The following SH3TC1 variants were observed in gnomAD, a reference collection of about 807,000 sequenced individuals.
SH3TC1 encodes the protein SH3 domain and tetratricopeptide repeat-containing protein 1.
SH3TC1 carries 135 observed loss-of-function variants against 117.3 expected under a neutral mutation model. That is an observed-to-expected ratio of 1.15 (90% CI 1.00 to 1.33). The LOEUF is 1.33. Ranked by LOEUF, SH3TC1 falls within the 40% of genes most tolerant of loss-of-function variation. The pLI is 0.00. For synonymous variants in SH3TC1, 898 were observed against 816.9 expected (o/e 1.10, Z -1.69); for missense variants, 2,092 against 1,794.3 (o/e 1.17, Z -3.00).
At chr4:8,222,566 G>T (rs1720034873) in intron 9 of SH3TC1, among the ~76,000 whole-genome samples, 1 of 151,686 alleles carries the variant, frequency 6.6e-6, no homozygotes, top group Non-Finnish European at 1.5e-5. Flanking sequence ...AGAGATGGGG[G>T]TTTCACCATG....
rs1438404242 is a variant in SH3TC1 at position 8,192,997 on chromosome 4, G to A, written c.-57+10787G>A. On this transcript the variant is annotated intron_variant, in intron 1 of 16. Coordinates refer to the SH3TC1 transcript ENST00000508641. The surrounding 1 kb of genome is among the most constrained non-coding windows in gnomAD (Gnocchi z 4.1). ...CAGCTCTGTGGTCCACAAACCACAT[G>A]ACCACATCTGGCCCCCTGTCTTGTA... 6.6e-6 allele frequency among the ~76,000 whole-genome samples: 1 copy of A among 152,220 alleles called. No homozygotes were observed. Among genetic ancestry groups the A allele is most frequent in the Non-Finnish European group, 1.5e-5 (1 of 68,046 alleles).
In SH3TC1 at chr4:8,216,998, AT is replaced by A; in HGVS notation, c.671del (p.Met224ArgfsTer52). 1 of 1,613,972 alleles carries A rather than the reference AT, an allele frequency of 6.2e-7. No homozygotes were observed. Among genetic ancestry groups the A allele is most frequent in the Non-Finnish European group, 8.5e-7 (1 of 1,179,946 alleles). ...VLCPDHHVRV[M>X]TGPRDAGNGP... is the part of the protein sequence containing the mutation. ...GTGTCCTGACCACCATGTGAGAGTGATGACGGGTCCCCGGGATGCAGGAAAT... is the reference window on the plus strand; with the variant it reads ...GTGTCCTGACCACCATGTGAGAGTGAGACGGGTCCCCGGGATGCAGGAAAT... On this transcript the variant is annotated frameshift_variant, in exon 7 of 18. Transcript: ENST00000245105. LOFTEE classifies it high-confidence loss of function.
intron 13 of SH3TC1, chr4:8,232,784 C>T (rs1216955860): frequency 4.7e-6 from 6 of 1,288,708 alleles, no homozygotes; most frequent in African/African-American, 3.0e-5. Flanking sequence ...CACAGGGACC[C>T]GGGAGATCGG....
intron 17 of SH3TC1, 82 bp downstream of exon 17, chr4:8,237,752 C>T (rs927860919): frequency 2.8e-6 from 4 of 1,414,750 alleles, no homozygotes; most frequent in African/African-American, 2.9e-5. Context: ...GGCATGTGTT[C>T]CAGCCTTCCT....
In SH3TC1 at chr4:8,210,179, G is replaced by A. The variant is rs1213769684; in HGVS notation, c.247+357G>A. The stretch of plus-strand genomic sequence containing the variant: ...CGTGGGGTGAGGTGTCCAGGCACAG[G>A]CTTCCCAGGGATGGGATCGCCGCAG... On this transcript the variant is annotated intron_variant, in intron 3 of 17. Transcript: ENST00000245105. The surrounding 1 kb of genome is among the most constrained non-coding windows in gnomAD (Gnocchi z 4.1). Among the ~76,000 whole-genome samples the A allele has an allele frequency of 6.6e-6, 1 of 152,146 alleles. No homozygotes were observed. Among genetic ancestry groups the A allele is most frequent in the Non-Finnish European group, 1.5e-5 (1 of 68,000 alleles).
rs1270869650 is a variant in SH3TC1, at chr4:8,237,489, A to T, written c.3572A>T (p.Glu1191Val). 12 of 1,589,526 alleles carry T rather than the reference A, an allele frequency of 7.5e-6. No individual in the cohort carries two copies. Among genetic ancestry groups the T allele is most frequent in the Non-Finnish European group, 1.0e-5 (12 of 1,168,644 alleles). Reference protein sequence around the residue: ...LSITLGDRLNERVAYHRLAAL... With the variant: ...LSITLGDRLNVRVAYHRLAAL... ...TGCACCCCAGGGGACCGGCTGAACG[A>T]GCGCGTGGCCTACCACCGGCTGGCC... is the stretch of plus-strand genomic sequence containing the variant. Residue 1191 changes from glutamate (E) to valine (V), a missense_variant, in exon 17 of 18, where the codon GAG (glutamate) becomes GTG (valine). Coordinates refer to ENST00000245105, the MANE Select transcript of SH3TC1 (RefSeq NM_018986.5).
chr4:8,205,230 G>C lies in SH3TC1; in HGVS notation c.36G>C (p.Pro12=), dbSNP rs1399666287. The change falls in exon 2 of 18, where the codon CCG becomes CCC. Residue 12 remains proline, a synonymous_variant. Transcript: ENST00000245105. The surrounding 1 kb of genome is among the most constrained non-coding windows in gnomAD (Gnocchi z 5.4). ...ENLPAVTTEE[P]TPMGRGPVGP... is the part of the protein sequence containing the mutation. ...TCCCTGCCGTGACCACTGAGGAGCCGACCCCCATGGGGAGGGGTCCTGTGG... is the reference window on the plus strand; with the variant it reads ...TCCCTGCCGTGACCACTGAGGAGCCCACCCCCATGGGGAGGGGTCCTGTGG... 6.5e-6 allele frequency: 10 copies of C among 1,548,372 alleles called. No individual in the cohort carries two copies. The African/African-American group carries it at 1.4e-4, about 21-fold the overall frequency.
chr4:8,219,695 C>T (rs1358010271), intron 9 of SH3TC1, among the ~76,000 whole-genome samples, 165 bp downstream of exon 9: 1 of 152,226 alleles, frequency 6.6e-6, no homozygotes, highest in Non-Finnish European at 1.5e-5. Flanking sequence ...GCCCCAGTGC[C>T]TGACTCCAGG....
At chr4:8,229,926 C>T (rs1004247884) in intron 12 of SH3TC1, among the ~76,000 whole-genome samples, 1 of 149,544 alleles carries the variant, frequency 6.7e-6, no homozygotes, top group African/African-American at 2.5e-5. Context: ...CTCCCCACCC[C>T]GCGTTGAACA....
At chr4:8,201,231 A>G (rs1241446884) in intron 1 of SH3TC1, among the ~76,000 whole-genome samples, 1 of 151,912 alleles carries the variant, frequency 6.6e-6, no homozygotes, top group Admixed American at 6.6e-5. Context: ...CATTCACCAA[A>G]CTCTGACTGT....
chr4:8,186,920 G>A lies in SH3TC1; in HGVS notation c.-57+4710G>A, dbSNP rs1578632033. 6.6e-6 allele frequency among the ~76,000 whole-genome samples: 1 copy of A among 151,222 alleles called. No individual in the cohort carries two copies. The highest frequency in any genetic ancestry group is 2.4e-5 in the African/African-American group (1 of 41,000). On this transcript the variant is annotated intron_variant, in intron 1 of 16. Transcript: ENST00000508641. The surrounding 1 kb of genome is among the most constrained non-coding windows in gnomAD (Gnocchi z 5.2). ...GATCATACCACTGCACTCCAGCCTG[G>A]GTGACAGGGCAAGACTACGTCTCAA...
chr4:8,189,832 C>T lies in SH3TC1; in HGVS notation c.-57+7622C>T, dbSNP rs141051767. 5.4e-3 allele frequency among the ~76,000 whole-genome samples: 828 copies of T among 152,256 alleles called. 6 individuals are homozygous for T. The highest frequency in any genetic ancestry group is 0.019 in the African/African-American group (770 of 41,538). ...GAAGACCCCGCCGGCGTGAGCTCCC[C>T]GCACAGAGTGTGGCCCTTAGAGAAG... On this transcript the variant is annotated intron_variant, in intron 1 of 16. Coordinates refer to the SH3TC1 transcript ENST00000508641.
At chr4:8,197,787 C>T (rs550937539), upstream of SH3TC1, among the ~76,000 whole-genome samples, 168 of 152,282 alleles carry the variant, frequency 1.1e-3, 1 homozygote, top group Non-Finnish European at 1.3e-3. Context: ...CTCAGTGGGG[C>T]GGAGGGAGGG....
chr4:8,196,534 T>A (rs1382869992), upstream of SH3TC1, among the ~76,000 whole-genome samples: 1 of 151,818 alleles, frequency 6.6e-6, no homozygotes, highest in Non-Finnish European at 1.5e-5. This position sits in a 1 kb window ranked among gnomAD's most constrained non-coding sequence, Gnocchi z 4.6. Context: ...GTGCCCAGAG[T>A]TGCACCCATT....
chr4:8,235,567 T>TGTGGGCTGATGTGG lies in SH3TC1; in HGVS notation c.3405+19_3405+32dup. Reference sequence around the variant, plus strand: ...TGTCCTTCTACCGGGTGAGCTGGCCTGTGGGCTGATGTGGGTGGGCCCCAG... The same window carrying TGTGGGCTGATGTGG: ...TGTCCTTCTACCGGGTGAGCTGGCCTGTGGGCTGATGTGGGTGGGCTGATGTGGGTGGGCCCCAG... On this transcript the variant is annotated intron_variant, in intron 15 of 17. Coordinates refer to ENST00000245105, the MANE Select transcript of SH3TC1 (RefSeq NM_018986.5). The TGTGGGCTGATGTGG allele has an allele frequency of 6.3e-7, 1 of 1,578,010 alleles. No homozygotes were observed. The highest frequency in any genetic ancestry group is 8.6e-7 in the Non-Finnish European group (1 of 1,159,790).
intron 10 of SH3TC1, among the ~76,000 whole-genome samples, chr4:8,224,141 G>T (rs114648156): frequency 6.6e-6 from 1 of 152,130 alleles, no homozygotes; most frequent in Admixed American, 6.5e-5. Flanking sequence ...TCCTCACAAG[G>T]TGTACACGCA....
chr4:8,237,656 T>A lies in SH3TC1; in HGVS notation c.3739T>A (p.Phe1247Ile), dbSNP rs746959829. 11 of 1,605,096 alleles carry A rather than the reference T, an allele frequency of 6.9e-6. No homozygotes were observed. Among genetic ancestry groups the A allele is most frequent in the South Asian group, 6.7e-5 (6 of 89,830 alleles). The change falls in exon 17 of 18, where the codon TTC becomes ATC. Residue 1247 changes from phenylalanine to isoleucine, a missense_variant. Phe to Ile is a conservative substitution (Grantham distance 21). Coordinates refer to ENST00000245105, the MANE Select transcript of SH3TC1 (RefSeq NM_018986.5). Reference protein sequence around the residue: ...KVYLVLGDIIFYDLKDPFDAA... With the variant: ...KVYLVLGDIIIYDLKDPFDAA... ...GTACCTGGTGCTCGGTGACATCATC[T>A]TCTACGACCTGAAGGTGGGTGGGGA...
intron 13 of SH3TC1, 174 bp from the exon 14 acceptor site, chr4:8,233,189 C>A: frequency 7.1e-7 from 1 of 1,401,506 alleles, no homozygotes; most frequent in Non-Finnish European, 9.2e-7. Flanking sequence ...CTTTTCCTTG[C>A]CGTGTGTGTT....
Position 8,228,579 on chromosome 4 carries a change from C to A in SH3TC1, c.2885C>A (p.Ala962Asp), listed in dbSNP as rs373593679. The A allele has an allele frequency of 5.0e-6, 8 of 1,590,426 alleles. No homozygotes were observed. Among genetic ancestry groups the A allele is most frequent in the Non-Finnish European group, 6.0e-6 (7 of 1,169,920 alleles). The change falls in exon 12 of 18, where the codon GCC becomes GAC. Residue 962 changes from alanine to aspartate, a missense_variant. Ala to Asp is a moderately radical substitution (Grantham distance 126). Transcript: ENST00000245105. ...CATCTCTGCACCCGCCAGGGCCCGGCCCAGCAGGGCAAGGGCTACTACGAG... is the reference window on the plus strand; with the variant it reads ...CATCTCTGCACCCGCCAGGGCCCGGACCAGCAGGGCAAGGGCTACTACGAG... ...LGHLCTRQGPAQQGKGYYEWA... is the reference protein window; with the variant it reads ...LGHLCTRQGPDQQGKGYYEWA...
Sources: allele counts gnomAD v4.1 joint callset (sites outside exome capture counted in the v4.1 genomes callset), GRCh38; gene constraint gnomAD v4.1.1; non-coding constraint Gnocchi (gnomAD v3.1); transcripts MANE v1.5; gene names NCBI Gene and HGNC (gene_info 2026-07-23, HGNC 2026-07-21).